The following COL11A1 variants were observed in gnomAD, a reference collection of about 807,000 sequenced individuals.
The protein encoded by COL11A1 is collagen type XI alpha 1 chain.
A neutral mutation model predicts 265.2 loss-of-function variants in COL11A1; 74 were observed. The ratio of observed to expected loss-of-function variants is 0.28; its 90% CI spans 0.23 to 0.34. COL11A1 has a LOEUF of 0.34. Ranked by LOEUF, COL11A1 falls within the 10% of genes least tolerant of loss-of-function variation. The pLI, the probability that COL11A1 is intolerant of heterozygous loss-of-function variation, is 1.00. For synonymous variants in COL11A1, 816 were observed against 727.6 expected, an observed-to-expected ratio of 1.12 and a Z score of -1.96; for missense variants, 2,165 against 2,263.6, an observed-to-expected ratio of 0.96 and a Z score of 0.88.
intron 47 of COL11A1, among the ~76,000 whole-genome samples, chr1:102,922,188 T>G (rs1656060328): frequency 6.6e-6 from 1 of 152,208 alleles, no homozygotes; most frequent in African/African-American, 2.4e-5. Flanking sequence ...TTTTTCACTG[T>G]ACATTAGTAC....
intron 20 of COL11A1, among the ~76,000 whole-genome samples, chr1:103,004,167 A>C (rs1173187109): frequency 6.6e-6 from 1 of 152,188 alleles, no homozygotes; most frequent in Non-Finnish European, 1.5e-5. Flanking sequence ...AGCACAAAAA[A>C]CAAAACAAAG....
intron 36 of COL11A1, among the ~76,000 whole-genome samples, chr1:102,971,173 G>A (rs951329469): frequency 1.9e-4 from 29 of 152,132 alleles, no homozygotes; most frequent in African/African-American, 7.0e-4. Context: ...TTTCTTAAAT[G>A]TCCTCTTGGA....
intron 54 of COL11A1, among the ~76,000 whole-genome samples, chr1:102,909,324 G>A (rs1433320707): frequency 6.6e-6 from 1 of 152,120 alleles, no homozygotes; most frequent in Non-Finnish European, 1.5e-5. Flanking sequence ...GGAGCAGCCT[G>A]AGGCCCTCAC....
At chr1:102,905,507 A>G (rs1472059826) in intron 54 of COL11A1, among the ~76,000 whole-genome samples, 1 of 106,264 alleles carries the variant, frequency 9.4e-6, no homozygotes, top group Admixed American at 1.3e-4. Flanking sequence ...TAAAGCACCC[A>G]TATAAGTTAA....
At chr1:102,955,754 CAT>C (rs1421080435) in intron 41 of COL11A1, among the ~76,000 whole-genome samples, 8 of 152,028 alleles carry the variant, frequency 5.3e-5, no homozygotes, top group Admixed American at 1.3e-4. Flanking sequence ...GATATATTTA[CAT>C]ATATCTGTTT....
At chr1:103,015,416 T>C (rs952903134) in intron 12 of COL11A1, among the ~76,000 whole-genome samples, 1 of 152,020 alleles carries the variant, frequency 6.6e-6, no homozygotes. Context: ...TAAACCACAA[T>C]TGGAAATATT....
chr1:102,994,443 A>G (rs2101784068), intron 28 of COL11A1, among the ~76,000 whole-genome samples: 1 of 152,174 alleles, frequency 6.6e-6, no homozygotes, highest in East Asian at 1.9e-4. Context: ...TCCTGCTCCC[A>G]GCACATAGGA....
intron 6 of COL11A1, chr1:103,025,858 A>C (rs757634088): frequency 1.2e-6 from 2 of 1,613,442 alleles, no homozygotes; most frequent in East Asian, 2.2e-5. Context: ...CTTGGATGAA[A>C]ATTTTTCAGA....
At chr1:103,058,782 G>A (rs910881216) in intron 4 of COL11A1, among the ~76,000 whole-genome samples, 2 of 152,076 alleles carry the variant, frequency 1.3e-5, no homozygotes, top group African/African-American at 4.8e-5. Flanking sequence ...ATCTTATTGT[G>A]TACATTATTA....
intron 53 of COL11A1, among the ~76,000 whole-genome samples, 167 bp downstream of exon 53, chr1:102,913,470 T>A (rs1045211301): frequency 2.0e-5 from 3 of 152,162 alleles, no homozygotes; most frequent in Non-Finnish European, 4.4e-5. Context: ...AAACACTCCA[T>A]GTAAGATTGA....
chr1:103,014,403 C>A, intron 13 of COL11A1, 108 bp downstream of exon 13: 1 of 944,990 alleles, frequency 1.1e-6, no homozygotes, highest in Admixed American at 1.9e-5. Context: ...ACACAGTATT[C>A]GGAAGTAAAT....
Position 102,998,310 on chromosome 1 carries a change from A to C in COL11A1, c.2196T>G (p.Pro732=). The C allele has an allele frequency of 6.2e-7, 1 of 1,606,898 alleles. No individual in the cohort carries two copies. The highest frequency in any genetic ancestry group is 1.1e-5 in the South Asian group (1 of 90,348). ...LAGLPGADGP[P]GHPGKEGQSG... ...TAATGACCAGGTAGCTGTTACTTAC[A>C]GGAGGCCCATCAGCACCAGGAAGTC... is the stretch of plus-strand genomic sequence containing the variant. The change falls in exon 25 of 67, where the codon CCT becomes CCG. Residue 732 remains proline, a splice_region_variant and synonymous_variant. Coordinates refer to ENST00000370096, the MANE Select transcript of COL11A1 (RefSeq NM_001854.4).
intron 3 of COL11A1, among the ~76,000 whole-genome samples, chr1:103,076,519 A>G (rs1671986962): frequency 6.6e-6 from 1 of 152,108 alleles, no homozygotes; most frequent in Admixed American, 6.6e-5. Context: ...CATCCCAGCC[A>G]CAAGGCTGCC....
At chr1:103,009,906 T>C (rs538266888) in intron 14 of COL11A1, among the ~76,000 whole-genome samples, 1 of 152,324 alleles carries the variant, frequency 6.6e-6, no homozygotes, top group South Asian at 2.1e-4. Flanking sequence ...ACTGGGGTTC[T>C]ACATTAAATC....
intron 32 of COL11A1, 67 bp downstream of exon 32, chr1:102,979,315 G>T: frequency 7.5e-7 from 1 of 1,338,046 alleles, no homozygotes; most frequent in Non-Finnish European, 1.1e-6. Flanking sequence ...GGGAATACAG[G>T]CACACACCAC....
intron 63 of COL11A1, among the ~76,000 whole-genome samples, chr1:102,885,750 A>C (rs1045418936): frequency 6.6e-6 from 1 of 152,158 alleles, no homozygotes; most frequent in Admixed American, 6.6e-5. Context: ...AATCATCTAC[A>C]TCTTTTGCTT....
chr1:103,034,822 C>G (rs931193823), intron 4 of COL11A1, among the ~76,000 whole-genome samples: 1 of 151,910 alleles, frequency 6.6e-6, no homozygotes, highest in Middle Eastern at 3.4e-3. Flanking sequence ...AAATAACAAC[C>G]CTGAAATCAG....
intron 15 of COL11A1, among the ~76,000 whole-genome samples, chr1:103,007,951 T>C (rs77887083): frequency 0.068 from 10,341 of 151,834 alleles, 426 homozygotes; most frequent in Middle Eastern, 0.17. Context: ...AACTCCAGTC[T>C]GAAGGCATGG....
chr1:102,996,958 T>C (rs1664688536), intron 26 of COL11A1, 122 bp downstream of exon 26: 1 of 817,662 alleles, frequency 1.2e-6, no homozygotes, highest in Admixed American at 2.0e-5. Context: ...TAGTCTAAGA[T>C]ATCTTTTTTA....
Sources: gnomAD v4.1 joint callset for allele counts (sites outside exome capture counted in the v4.1 genomes callset) on GRCh38, gnomAD v4.1.1 for gene constraint, MANE v1.5 for transcripts, NCBI Gene and HGNC (gene_info 2026-07-23, HGNC 2026-07-21) for gene names.